The following MACROD2 variants were observed in gnomAD, a reference collection of about 807,000 sequenced individuals.
MACROD2 encodes the protein mono-ADP ribosylhydrolase 2.
Under a neutral mutation model 70.4 loss-of-function variants are expected in MACROD2, and 36 were observed. That is an observed-to-expected ratio of 0.51 (90% CI 0.39 to 0.68). The LOEUF (loss-of-function observed/expected upper bound fraction) is 0.68, where lower values mean the gene tolerates loss of function less well. MACROD2 is among the 30% of genes least tolerant of loss of function. MACROD2 has a pLI of 0.00. For missense variants in MACROD2, 496 were observed against 538.4 expected (o/e 0.92, Z 0.78); for synonymous variants, 172 against 178.8 (o/e 0.96, Z 0.30).
chr20:14,251,378 A>T (rs1311291174), intron 3 of MACROD2, among the ~76,000 whole-genome samples: 1 of 152,098 alleles, frequency 6.6e-6, no homozygotes, highest in East Asian at 1.9e-4. Context: ...AAAACATTTA[A>T]TTATATTCTT....
intron 5 of MACROD2, among the ~76,000 whole-genome samples, chr20:15,139,052 G>T (rs1054721037): frequency 6.6e-6 from 1 of 152,154 alleles, no homozygotes; most frequent in African/African-American, 2.4e-5. Context: ...TCCATTAGCA[G>T]CTATTAAATG....
intron 3 of MACROD2, among the ~76,000 whole-genome samples, chr20:14,150,341 A>T (rs2148710732): frequency 6.6e-6 from 1 of 152,314 alleles, no homozygotes; most frequent in East Asian, 1.9e-4. Flanking sequence ...TCTTCTAGTA[A>T]CCTGTTCTAT....
chr20:15,385,412 G>C (rs989486107), intron 6 of MACROD2, among the ~76,000 whole-genome samples: 6 of 152,068 alleles, frequency 3.9e-5, no homozygotes, highest in African/African-American at 1.2e-4. Context: ...TCCCAGAGAA[G>C]GCCTGAGGCA....
At chr20:15,964,355 G>A (rs1241718185) in intron 12 of MACROD2, among the ~76,000 whole-genome samples, 1 of 152,132 alleles carries the variant, frequency 6.6e-6, no homozygotes, top group Non-Finnish European at 1.5e-5. Context: ...GGTATCTGGT[G>A]AGAACTCACT....
At chr20:14,692,740 C>A (rs1343153576) in intron 5 of MACROD2, among the ~76,000 whole-genome samples, 9 of 152,190 alleles carry the variant, frequency 5.9e-5, no homozygotes, top group Non-Finnish European at 1.3e-4. Context: ...ACTGCCTGCT[C>A]AAAGGCTAGC....
intron 6 of MACROD2, among the ~76,000 whole-genome samples, chr20:15,285,630 A>G (rs1568692919): frequency 6.6e-6 from 1 of 152,168 alleles, no homozygotes; most frequent in African/African-American, 2.4e-5. Context: ...TCTAGAACTC[A>G]TGGGAGGGTA....
intron 13 of MACROD2, among the ~76,000 whole-genome samples, chr20:15,982,322 C>T (rs578145532): frequency 2.6e-5 from 4 of 152,232 alleles, no homozygotes; most frequent in Admixed American, 2.6e-4. Flanking sequence ...CTGTAGCAAT[C>T]TTTTGTCTCA....
At chr20:14,010,679 G>C (rs1291638581) in intron 2 of MACROD2, among the ~76,000 whole-genome samples, 1 of 145,690 alleles carries the variant, frequency 6.9e-6, no homozygotes, top group African/African-American at 2.5e-5. Context: ...TCATTGTCTG[G>C]CACTGGTTTG....
intron 5 of MACROD2, among the ~76,000 whole-genome samples, chr20:14,963,708 T>C (rs889358828): frequency 2.6e-5 from 4 of 152,198 alleles, no homozygotes; most frequent in Non-Finnish European, 4.4e-5. Context: ...CCTGCTGAAC[T>C]AGAAAATAGC....
At chr20:14,520,746 C>G (rs1268154843) in intron 4 of MACROD2, among the ~76,000 whole-genome samples, 1 of 152,146 alleles carries the variant, frequency 6.6e-6, no homozygotes, top group Non-Finnish European at 1.5e-5. Context: ...ACCTTTGTAC[C>G]TTTACCATTT....
intron 3 of MACROD2, among the ~76,000 whole-genome samples, chr20:14,183,573 A>G (rs967059354): frequency 2.6e-5 from 4 of 152,234 alleles, no homozygotes; most frequent in Non-Finnish European, 5.9e-5. Flanking sequence ...GTTGAATGGT[A>G]GTTCTGTCTT....
chr20:14,997,812 C>T (rs1038551217), intron 5 of MACROD2, among the ~76,000 whole-genome samples: 10 of 152,102 alleles, frequency 6.6e-5, no homozygotes, highest in Admixed American at 1.3e-4. Context: ...GTGCTGGCCT[C>T]GGGTCTCACC....
chr20:14,964,657 T>C (rs956869752), intron 5 of MACROD2, among the ~76,000 whole-genome samples: 2 of 152,190 alleles, frequency 1.3e-5, no homozygotes, highest in Non-Finnish European at 2.9e-5. Context: ...ATCTGCTTTG[T>C]TATAAAATTA....
intron 2 of MACROD2, among the ~76,000 whole-genome samples, chr20:14,007,019 C>T (rs1185990695): frequency 6.6e-6 from 1 of 152,158 alleles, no homozygotes; most frequent in African/African-American, 2.4e-5. Flanking sequence ...CATGTATTGT[C>T]AGCTGAATAT....
At chr20:14,788,995 C>G (rs534950767) in intron 5 of MACROD2, among the ~76,000 whole-genome samples, 1 of 151,852 alleles carries the variant, frequency 6.6e-6, no homozygotes, top group Non-Finnish European at 1.5e-5. Context: ...TCTCGAACTC[C>G]TGACCTCAGG....
intron 2 of MACROD2, among the ~76,000 whole-genome samples, chr20:14,020,652 G>A (rs996866246): frequency 6.6e-6 from 1 of 152,018 alleles, no homozygotes; most frequent in Non-Finnish European, 1.5e-5. Flanking sequence ...GTTGTTTTTC[G>A]TTTTATTTAT....
intron 5 of MACROD2, among the ~76,000 whole-genome samples, chr20:15,139,509 A>G (rs1383373900): frequency 1.3e-5 from 2 of 152,180 alleles, no homozygotes; most frequent in African/African-American, 4.8e-5. Flanking sequence ...ATTGCCGTCA[A>G]CATATGTCAC....
chr20:14,740,235 C>T (rs2071717036), intron 5 of MACROD2, among the ~76,000 whole-genome samples: 3 of 152,080 alleles, frequency 2.0e-5, no homozygotes, highest in South Asian at 4.1e-4. Context: ...CAAGGTAGGT[C>T]TTATGAACCA....
At chr20:14,566,072 A>G (rs558246522) in intron 4 of MACROD2, among the ~76,000 whole-genome samples, 1 of 152,002 alleles carries the variant, frequency 6.6e-6, no homozygotes, top group South Asian at 2.1e-4. Context: ...AAAAATAGAT[A>G]AATTGGATGA....
Sources: gnomAD v4.1 joint callset for allele counts (sites outside exome capture counted in the v4.1 genomes callset) on GRCh38, gnomAD v4.1.1 for gene constraint, MANE v1.5 for transcripts, NCBI Gene and HGNC (gene_info 2026-07-23, HGNC 2026-07-21) for gene names.